NFIL3: variants seen among roughly 807,000 people sequenced by gnomAD.
The protein encoded by NFIL3 is nuclear factor interleukin-3-regulated protein.
NFIL3 carries 5 observed loss-of-function variants against 10.0 expected under a neutral mutation model. The observed-to-expected ratio is 0.50, with a 90% confidence interval of 0.26 to 1.06. The LOEUF is 1.06. Ranked by LOEUF, NFIL3 falls within the 50% of genes least tolerant of loss-of-function variation. The pLI is 0.13. For missense variants in NFIL3, 436 were observed against 547.6 expected (o/e 0.80, Z 2.03); for synonymous variants, 202 against 206.5 (o/e 0.98, Z 0.19).
the NFIL3 span, among the ~76,000 whole-genome samples, chr9:91,451,523 A>G: frequency 6.6e-6 from 1 of 152,198 alleles, no homozygotes. Flanking sequence ...ATTGGCCCTC[A>G]ATATCTCTTC....
chr9:91,409,711 C>T lies in NFIL3; in HGVS notation c.1024G>A (p.Asp342Asn). 2 of 1,614,146 alleles carry T rather than the reference C, an allele frequency of 1.2e-6. No individual in the cohort carries two copies. Among genetic ancestry groups the T allele is most frequent in the Non-Finnish European group, 1.7e-6 (2 of 1,180,026 alleles). ...KAMQIKVEAF[D>N]NEFEATQKLS... ...TTTTGCGTGGCCTCAAATTCATTATCAAAGGCTTCTACTTTGATCTGCATG... is the reference window on the plus strand; with the variant it reads ...TTTTGCGTGGCCTCAAATTCATTATTAAAGGCTTCTACTTTGATCTGCATG... Residue 342 changes from aspartate to asparagine, a missense_variant, in exon 2 of 2, where the codon GAT becomes AAT. By Grantham distance (23) the Asp-to-Asn change is conservative. Around this residue, in one of 3 missense-constraint regions of NFIL3, gnomAD observed 338 missense variants for 399.9 expected, o/e 0.85. Coordinates refer to ENST00000297689, the MANE Select transcript of NFIL3 (RefSeq NM_005384.3).
At chr9:91,466,004 G>A in the NFIL3 span, among the ~76,000 whole-genome samples, 2 of 151,802 alleles carry the variant, frequency 1.3e-5, no homozygotes, top group Non-Finnish European at 2.9e-5. Context: ...TGTGTGGGGT[G>A]TGTGTGATGT....
At chr9:91,449,265 T>C in the NFIL3 span, among the ~76,000 whole-genome samples, 1 of 152,164 alleles carries the variant, frequency 6.6e-6, no homozygotes, top group Non-Finnish European at 1.5e-5. Flanking sequence ...GAAAGTGAAC[T>C]TCCTTGTCTC....
intron 1 of NFIL3, among the ~76,000 whole-genome samples, chr9:91,421,183 G>A (rs898236708): frequency 6.6e-6 from 1 of 152,120 alleles, no homozygotes; most frequent in African/African-American, 2.4e-5. Context: ...GAGGGCCGCG[G>A]AGACGCAGGC....
At chr9:91,429,668 C>T in the NFIL3 span, among the ~76,000 whole-genome samples, 32 of 152,076 alleles carry the variant, frequency 2.1e-4, no homozygotes, top group South Asian at 6.3e-3. Flanking sequence ...TTCTGAGAAA[C>T]TTTCAGAAGT....
the NFIL3 span, among the ~76,000 whole-genome samples, chr9:91,430,809 C>T: frequency 6.6e-6 from 1 of 152,166 alleles, no homozygotes; most frequent in South Asian, 2.1e-4. Flanking sequence ...ACACACCAGG[C>T]TAATTAAAAA....
At chr9:91,419,751 A>G (rs1200601939) in intron 1 of NFIL3, among the ~76,000 whole-genome samples, 3 of 152,250 alleles carry the variant, frequency 2.0e-5, no homozygotes, top group African/African-American at 7.2e-5. Context: ...AAGAATGATC[A>G]GTATCAAAAG....
the NFIL3 span, among the ~76,000 whole-genome samples, chr9:91,461,552 C>T: frequency 1.3e-5 from 2 of 152,180 alleles, no homozygotes; most frequent in Non-Finnish European, 2.9e-5. Context: ...ACACTCCCTC[C>T]GGAGGCTCTT....
At chr9:91,422,188 C>G (rs577435380) in intron 1 of NFIL3, among the ~76,000 whole-genome samples, 1 of 152,212 alleles carries the variant, frequency 6.6e-6, no homozygotes, top group Non-Finnish European at 1.5e-5. Flanking sequence ...TCCAGCAAAT[C>G]ACCGGGCGCT....
chr9:91,423,948 G>A (rs1271218382), upstream of NFIL3: 2 of 144,224 alleles, frequency 1.4e-5, no homozygotes, highest in African/African-American at 5.0e-5. Context: ...CAATGGCCGC[G>A]GCCGGCAGGG....
chr9:91,483,137 A>G, the NFIL3 span, among the ~76,000 whole-genome samples: 3 of 152,162 alleles, frequency 2.0e-5, no homozygotes, highest in Non-Finnish European at 4.4e-5. Context: ...CAAAGGCCAT[A>G]TAAGTCACCT....
chr9:91,444,839 T>C, the NFIL3 span, among the ~76,000 whole-genome samples: 5 of 152,168 alleles, frequency 3.3e-5, no homozygotes, highest in African/African-American at 1.2e-4. Context: ...CTCCACCACT[T>C]AGCTGAAGTG....
At chr9:91,416,158 C>CTTT (rs76390990) in intron 1 of NFIL3, among the ~76,000 whole-genome samples, 2 of 139,514 alleles carry the variant, frequency 1.4e-5, no homozygotes, top group Non-Finnish European at 3.1e-5. Context: ...TGATCTTCTT[C>CTTT]TTTTTTTTTT....
intron 1 of NFIL3, among the ~76,000 whole-genome samples, chr9:91,412,641 C>T (rs542726388): frequency 2.6e-5 from 4 of 152,074 alleles, no homozygotes; most frequent in African/African-American, 4.8e-5. Flanking sequence ...GTCAGGAGTT[C>T]GAGACCAGCC....
chr9:91,440,496 A>G, the NFIL3 span, among the ~76,000 whole-genome samples: 26 of 151,560 alleles, frequency 1.7e-4, no homozygotes, highest in Admixed American at 6.6e-5. Context: ...TCTGTTCTCC[A>G]TTTCATTTAT....
chr9:91,439,975 C>A, the NFIL3 span, among the ~76,000 whole-genome samples: 1 of 152,040 alleles, frequency 6.6e-6, no homozygotes, highest in Non-Finnish European at 1.5e-5. Context: ...CTATAGTTTT[C>A]TTTTCTTGTG....
the NFIL3 span, among the ~76,000 whole-genome samples, chr9:91,479,647 G>C: frequency 1.3e-5 from 2 of 152,212 alleles, no homozygotes; most frequent in Non-Finnish European, 2.9e-5. Flanking sequence ...CTTTCCAGGG[G>C]AGTGAACAGT....
the NFIL3 span, among the ~76,000 whole-genome samples, chr9:91,478,962 A>G: frequency 6.6e-6 from 1 of 152,188 alleles, no homozygotes; most frequent in East Asian, 1.9e-4. Flanking sequence ...TTGCCTGGGT[A>G]TCAGCAGCAG....
the NFIL3 span, among the ~76,000 whole-genome samples, chr9:91,434,577 C>A: frequency 6.6e-6 from 1 of 152,094 alleles, no homozygotes; most frequent in African/African-American, 2.4e-5. Context: ...ATTTAATTAA[C>A]CGTGAAGCAG....
Sources: allele counts gnomAD v4.1 joint callset (sites outside exome capture counted in the v4.1 genomes callset), GRCh38; gene constraint gnomAD v4.1.1; regional missense constraint gnomAD v4.1.1; transcripts MANE v1.5; gene names NCBI Gene and HGNC (gene_info 2026-07-23, HGNC 2026-07-21).